Variants in PDE4D observed in about 807,000 individuals in gnomAD.
PDE4D encodes the protein phosphodiesterase 4D, also known as 3',5'-cyclic-AMP phosphodiesterase 4D.
A neutral mutation model predicts 87.4 loss-of-function variants in PDE4D; 24 were observed. The observed-to-expected ratio is 0.27, with a 90% CI of 0.20 to 0.39. The LOEUF is 0.39. Among genes scored for constraint, PDE4D ranks in the 10% least tolerant of loss-of-function variants. PDE4D has a pLI of 1.00. For missense variants in PDE4D, 714 were observed against 1,041.0 expected (o/e 0.69, Z 4.32); for synonymous variants, 384 against 383.2 (o/e 1.00, Z -0.02).
At chr5:59,521,047 T>C (rs1812139304) in intron 1 of PDE4D, among the ~76,000 whole-genome samples, 1 of 151,668 alleles carries the variant, frequency 6.6e-6, no homozygotes, top group Non-Finnish European at 1.5e-5. Context: ...ACATGCATCA[T>C]GAAGGTTTAC....
chr5:59,256,739 G>T (rs184261690), intron 1 of PDE4D, among the ~76,000 whole-genome samples: 3 of 152,064 alleles, frequency 2.0e-5, no homozygotes, highest in African/African-American at 7.2e-5. Context: ...AGCTGCATTG[G>T]CATCTTTACT....
intron 1 of PDE4D, among the ~76,000 whole-genome samples, chr5:60,421,357 A>C (rs1743083383): frequency 6.6e-6 from 1 of 152,144 alleles, no homozygotes; most frequent in African/African-American, 2.4e-5. Context: ...AGGCAGCAAT[A>C]TTTGCTGTTC....
At chr5:60,127,251 A>G (rs4547891) in intron 2 of PDE4D, among the ~76,000 whole-genome samples, 101,684 of 151,994 alleles carry the variant, frequency 0.67, 34,543 homozygotes, top group Middle Eastern at 0.7. Context: ...GGTGTGATTC[A>G]GATTATTGAG....
At chr5:59,461,962 T>C (rs961477916) in intron 1 of PDE4D, among the ~76,000 whole-genome samples, 42 of 152,188 alleles carry the variant, frequency 2.8e-4, no homozygotes, top group African/African-American at 9.6e-4. Context: ...TTACTAGCAT[T>C]TTGTTAACAG....
chr5:60,149,387 T>A (rs1177761294), intron 2 of PDE4D, among the ~76,000 whole-genome samples: 2 of 152,174 alleles, frequency 1.3e-5, no homozygotes, highest in Admixed American at 1.3e-4. Context: ...ACTCTCATGA[T>A]AACAGCATTA....
chr5:59,602,195 A>G (rs1357963751), intron 1 of PDE4D, among the ~76,000 whole-genome samples: 1 of 152,128 alleles, frequency 6.6e-6, no homozygotes, highest in Non-Finnish European at 1.5e-5. Flanking sequence ...ATAGACGCAG[A>G]AAAAGCACTT....
intron 5 of PDE4D, among the ~76,000 whole-genome samples, chr5:59,041,513 TG>T (rs1350430076): frequency 3.3e-5 from 5 of 152,350 alleles, no homozygotes; most frequent in African/African-American, 1.2e-4. Context: ...GACATTGACT[TG>T]TTTTATGATC....
At chr5:58,981,618 T>C (rs10039572) in intron 11 of PDE4D, among the ~76,000 whole-genome samples, 24,289 of 152,094 alleles carry the variant, frequency 0.16, 2,079 homozygotes, top group Admixed American at 0.19. Flanking sequence ...ATGACAATTA[T>C]AGTCCTTATT....
chr5:59,439,999 A>G (rs1797353734), intron 1 of PDE4D, among the ~76,000 whole-genome samples: 2 of 152,212 alleles, frequency 1.3e-5, no homozygotes, highest in African/African-American at 4.8e-5. Context: ...AAATAATCCA[A>G]TGAAGCTAAC....
chr5:60,148,388 A>T (rs1781206093), intron 2 of PDE4D, among the ~76,000 whole-genome samples: 1 of 152,242 alleles, frequency 6.6e-6, no homozygotes, highest in South Asian at 2.1e-4. Flanking sequence ...AACTATTTAC[A>T]TAGAATTTAC....
chr5:59,926,035 A>G (rs1267333100), intron 3 of PDE4D, among the ~76,000 whole-genome samples: 1 of 152,210 alleles, frequency 6.6e-6, no homozygotes, highest in Admixed American at 6.5e-5. Flanking sequence ...ATATTTACAG[A>G]AGATTTCATC....
chr5:59,646,153 A>T (rs1479621959), intron 1 of PDE4D, among the ~76,000 whole-genome samples: 1 of 152,202 alleles, frequency 6.6e-6, no homozygotes, highest in Admixed American at 6.5e-5. Context: ...TTAGTTTTAC[A>T]TCCTAAATAA....
At chr5:59,291,239 A>G (rs1561893928) in intron 1 of PDE4D, among the ~76,000 whole-genome samples, 1 of 152,162 alleles carries the variant, frequency 6.6e-6, no homozygotes. Flanking sequence ...ATAATGTAGT[A>G]CTATTTAGCC....
At chr5:59,618,960 G>T (rs1025483519) in intron 1 of PDE4D, among the ~76,000 whole-genome samples, 1 of 152,096 alleles carries the variant, frequency 6.6e-6, no homozygotes, top group Non-Finnish European at 1.5e-5. Context: ...CCAGCTTCCA[G>T]ACTGTAAGAA....
intron 1 of PDE4D, among the ~76,000 whole-genome samples, chr5:59,557,012 C>T (rs187458009): frequency 6.6e-6 from 1 of 152,114 alleles, no homozygotes; most frequent in African/African-American, 2.4e-5. Context: ...TAATGAAATG[C>T]CATCTCTAAA....
intron 5 of PDE4D, among the ~76,000 whole-genome samples, chr5:59,156,331 A>ATATATATATATATATGTGTG (rs1384479557): frequency 9.8e-5 from 12 of 122,750 alleles, no homozygotes; most frequent in African/African-American, 3.4e-4. Context: ...ATATATATAT[A>ATATATATATATATATGTGTG]TGTGTGTGTG....
At chr5:59,586,445 A>G in intron 1 of PDE4D, 2 of 1,567,866 alleles carry the variant, frequency 1.3e-6, no homozygotes, top group Non-Finnish European at 1.7e-6. Flanking sequence ...TTACAGATGA[A>G]TTCCAACTCT....
chr5:60,440,087 T>C (rs1249420420), intron 1 of PDE4D, among the ~76,000 whole-genome samples: 8 of 152,082 alleles, frequency 5.3e-5, no homozygotes, highest in Admixed American at 1.3e-4. Flanking sequence ...CCAAGCTCTT[T>C]CCTACTTCAG....
At chr5:59,946,221 C>A (rs1275139209) in intron 3 of PDE4D, among the ~76,000 whole-genome samples, 2 of 152,192 alleles carry the variant, frequency 1.3e-5, no homozygotes, top group Non-Finnish European at 2.9e-5. Flanking sequence ...AGTGCTGAGA[C>A]TCAGACAAGC....
Sources: gnomAD v4.1 joint callset for allele counts (sites outside exome capture counted in the v4.1 genomes callset) on GRCh38, gnomAD v4.1.1 for gene constraint, MANE v1.5 for transcripts, NCBI Gene and HGNC (gene_info 2026-07-23, HGNC 2026-07-21) for gene names.